The following DKK2 variants were observed in gnomAD, a reference collection of about 807,000 sequenced individuals.
DKK2 encodes the protein dickkopf-related protein 2.
In DKK2, 11 loss-of-function variants were observed where a neutral mutation model predicts 28.1. The observed-to-expected ratio is 0.39, with a 90% confidence interval of 0.25 to 0.65. The LOEUF (loss-of-function observed/expected upper bound fraction) is 0.65, where lower values mean the gene tolerates loss of function less well. DKK2 is among the 30% of genes least tolerant of loss of function. DKK2 has a pLI of 0.47. For synonymous variants in DKK2, 135 were observed against 126.5 expected (o/e 1.07, Z -0.45); for missense variants, 326 against 335.5 (o/e 0.97, Z 0.22).
At chr4:106,987,909 G>T (rs1241547553) in intron 1 of DKK2, among the ~76,000 whole-genome samples, 1 of 150,346 alleles carries the variant, frequency 6.7e-6, no homozygotes, top group Non-Finnish European at 1.5e-5. Flanking sequence ...CTGTTGCCAG[G>T]CTGGAGTGCA....
intron 1 of DKK2, among the ~76,000 whole-genome samples, chr4:106,942,044 A>G (rs546651245): frequency 8.5e-5 from 13 of 152,272 alleles, no homozygotes; most frequent in African/African-American, 2.9e-4. Flanking sequence ...AGTGAACAAC[A>G]TGGTACAGAG....
At chr4:107,007,676 C>T (rs1723456775) in intron 1 of DKK2, among the ~76,000 whole-genome samples, 1 of 152,066 alleles carries the variant, frequency 6.6e-6, no homozygotes, top group Non-Finnish European at 1.5e-5. Context: ...CAGTGGATAT[C>T]AGTGTGGCTT....
intron 1 of DKK2, among the ~76,000 whole-genome samples, chr4:106,935,829 C>A (rs1724577835): frequency 6.6e-6 from 1 of 152,220 alleles, no homozygotes; most frequent in Admixed American, 6.5e-5. Flanking sequence ...AGCAGCCTAA[C>A]TGGGAGGCAC....
intron 1 of DKK2, among the ~76,000 whole-genome samples, chr4:106,997,248 C>A (rs535494560): frequency 3.0e-4 from 46 of 152,254 alleles, no homozygotes; most frequent in African/African-American, 1.0e-3. Flanking sequence ...ATACTTTTAA[C>A]ATCTAACACA....
Position 106,925,933 on chromosome 4 carries a change from C to G in DKK2, c.239G>C (p.Ser80Thr), listed in dbSNP as rs1218012874. 2 of 1,611,372 alleles carry G rather than the reference C, an allele frequency of 1.2e-6. No individual in the cohort carries two copies. The highest frequency in any genetic ancestry group is 1.7e-6 in the Non-Finnish European group (2 of 1,179,028). ...CCTCCCAACTTCACACTCCTTATCACTGCTACAAGGGTAGGCCTGTCATCA... is the reference window on the plus strand; with the variant it reads ...CCTCCCAACTTCACACTCCTTATCAGTGCTACAAGGGTAGGCCTGTCATCA... ...KNLGQAYPCSSDKECEVGRYC... is the reference protein window; with the variant it reads ...KNLGQAYPCSTDKECEVGRYC... The change falls in exon 2 of 4, where the codon AGT becomes ACT. Residue 80 changes from serine (S) to threonine (T), a missense_variant. Coordinates refer to ENST00000285311, the MANE Select transcript of DKK2 (RefSeq NM_014421.3).
At chr4:106,974,725 C>T (rs1019301241) in intron 1 of DKK2, among the ~76,000 whole-genome samples, 4 of 152,098 alleles carry the variant, frequency 2.6e-5, no homozygotes, top group South Asian at 2.1e-4. Flanking sequence ...TATTTGAATA[C>T]GTTTTATTTC....
chr4:106,982,224 A>G lies in DKK2; in HGVS notation c.222+53146T>C, dbSNP rs1253379321. Among the ~76,000 whole-genome samples the G allele has an allele frequency of 5.9e-5, 9 of 152,352 alleles. No homozygotes were observed. In the South Asian group the frequency reaches 1.4e-3, roughly 25 times the overall value. Reference sequence around the variant, plus strand: ...GACTGGAATCTCCATAAAAGCAAATACATACTTTGTTCAACATTTTATTCT... The same window carrying G: ...GACTGGAATCTCCATAAAAGCAAATGCATACTTTGTTCAACATTTTATTCT... On this transcript the variant is annotated intron_variant, in intron 1 of 3. Transcript: ENST00000285311.
intron 1 of DKK2, among the ~76,000 whole-genome samples, chr4:106,996,011 A>C (rs1208434013): frequency 6.6e-6 from 1 of 152,322 alleles, no homozygotes; most frequent in Non-Finnish European, 1.5e-5. Flanking sequence ...TATTTGTCTC[A>C]GACTCTTAAT....
At chr4:106,929,514 C>A (rs1250671457) in intron 1 of DKK2, among the ~76,000 whole-genome samples, 1 of 152,086 alleles carries the variant, frequency 6.6e-6, no homozygotes, top group African/African-American at 2.4e-5. Flanking sequence ...ATTCAGGACA[C>A]CTAATAATAG....
chr4:106,989,106 A>G (rs892136842), intron 1 of DKK2, among the ~76,000 whole-genome samples: 1 of 152,142 alleles, frequency 6.6e-6, no homozygotes, highest in African/African-American at 2.4e-5. Context: ...TTCTATGTCT[A>G]TTTCAAAGTG....
intron 1 of DKK2, among the ~76,000 whole-genome samples, chr4:107,008,908 T>C (rs187147937): frequency 7.9e-5 from 12 of 152,116 alleles, no homozygotes; most frequent in Admixed American, 5.9e-4. Flanking sequence ...AAATATGACA[T>C]AGAAACGTAA....
chr4:106,966,957 A>G (rs1416780602), intron 1 of DKK2, among the ~76,000 whole-genome samples: 1 of 152,198 alleles, frequency 6.6e-6, no homozygotes, highest in East Asian at 1.9e-4. Context: ...GCCAAACCAT[A>G]TCAATTTCCT....
chr4:106,979,281 T>C (rs1421061336), intron 1 of DKK2, among the ~76,000 whole-genome samples: 1 of 152,056 alleles, frequency 6.6e-6, no homozygotes, highest in Non-Finnish European at 1.5e-5. Context: ...CCACACAAGG[T>C]ACATACTGCT....
intron 1 of DKK2, among the ~76,000 whole-genome samples, chr4:107,017,954 C>A (rs1272450223): frequency 2.0e-5 from 3 of 152,068 alleles, no homozygotes; most frequent in Non-Finnish European, 4.4e-5. Context: ...TTCGATTACT[C>A]TAGCATTTTT....
chr4:106,938,216 C>A (rs540134196), intron 1 of DKK2, among the ~76,000 whole-genome samples: 3 of 148,600 alleles, frequency 2.0e-5, no homozygotes, highest in Non-Finnish European at 4.5e-5. Context: ...ATTGATAGAC[C>A]GCTAGCAAGA....
intron 1 of DKK2, among the ~76,000 whole-genome samples, chr4:106,978,655 A>G (rs1246819721): frequency 6.6e-6 from 1 of 152,026 alleles, no homozygotes; most frequent in Non-Finnish European, 1.5e-5. Flanking sequence ...ATTTCAAACA[A>G]TCGATCTTAG....
chr4:106,972,531 A>G (rs1219720074), intron 1 of DKK2, among the ~76,000 whole-genome samples: 1 of 152,092 alleles, frequency 6.6e-6, no homozygotes, highest in Non-Finnish European at 1.5e-5. Flanking sequence ...TATTGTTATA[A>G]AGCCAATAAA....
intron 1 of DKK2, among the ~76,000 whole-genome samples, chr4:106,943,602 A>C (rs1386596193): frequency 6.6e-6 from 1 of 152,106 alleles, no homozygotes; most frequent in Non-Finnish European, 1.5e-5. Context: ...AAGAAAGAAC[A>C]TTGGCTAGTG....
intron 1 of DKK2, among the ~76,000 whole-genome samples, chr4:106,933,902 C>A (rs564318796): frequency 6.6e-6 from 1 of 152,046 alleles, no homozygotes; most frequent in Non-Finnish European, 1.5e-5. Flanking sequence ...AAATGTTATA[C>A]AAGTTTAAGT....
Sources: allele counts gnomAD v4.1 joint callset (sites outside exome capture counted in the v4.1 genomes callset), GRCh38; gene constraint gnomAD v4.1.1; transcripts MANE v1.5; gene names NCBI Gene and HGNC (gene_info 2026-07-23, HGNC 2026-07-21).